ADAMTS20: variants seen among roughly 807,000 people sequenced by gnomAD.
ADAMTS20 encodes ADAM metallopeptidase with thrombospondin type 1 motif 20, also known as A disintegrin and metalloproteinase with thrombospondin motifs 20.
Under a neutral mutation model 260.1 loss-of-function variants are expected in ADAMTS20, and 225 were observed. The ratio of observed to expected loss-of-function variants is 0.87; its 90% CI spans 0.78 to 0.97. The LOEUF is 0.97. ADAMTS20 is among the 50% of genes least tolerant of loss of function. The pLI is 0.00. For synonymous variants in ADAMTS20, 802 were observed against 769.5 expected, an observed-to-expected ratio of 1.04 and a Z score of -0.70; for missense variants, 2,400 against 2,337.7, an observed-to-expected ratio of 1.03 and a Z score of -0.55.
At chr12:43,454,982 G>C (rs1269774901) in intron 11 of ADAMTS20, among the ~76,000 whole-genome samples, 1 of 152,086 alleles carries the variant, frequency 6.6e-6, no homozygotes, top group Non-Finnish European at 1.5e-5. Flanking sequence ...TCATTGTTGT[G>C]CAACCAATCT....
intron 7 of ADAMTS20, among the ~76,000 whole-genome samples, chr12:43,470,965 T>A (rs1326437986): frequency 1.3e-5 from 2 of 152,182 alleles, no homozygotes; most frequent in African/African-American, 4.8e-5. Flanking sequence ...TTCAAATACC[T>A]TAACTATCGG....
In ADAMTS20 at chr12:43,425,631, A is replaced by T. The variant is rs766328002; in HGVS notation, c.4167T>A (p.Asn1389Lys). 15 of 1,610,880 alleles carry T rather than the reference A, an allele frequency of 9.3e-6. No homozygotes were observed. The South Asian group carries it at 1.5e-4, about 17-fold the overall frequency. The change falls in exon 28 of 39, where the codon AAT (asparagine) becomes AAA (lysine). Residue 1389 changes from asparagine to lysine, a missense_variant. Coordinates refer to ENST00000389420, the MANE Select transcript of ADAMTS20 (RefSeq NM_025003.5). Reference protein sequence around the residue: ...KSRLVICQFPNGQILEDHNCE... With the variant: ...KSRLVICQFPKGQILEDHNCE... ...AGTTGTGATCTTCTAATATTTGGCCATTGGGAAATTGACATATTACAAGTC... is the reference window on the plus strand; with the variant it reads ...AGTTGTGATCTTCTAATATTTGGCCTTTGGGAAATTGACATATTACAAGTC...
chr12:43,375,674 A>G lies in ADAMTS20; in HGVS notation c.5313-162T>C, dbSNP rs1279790560. ...AAAAATCACTTAAGGTGAACATACA[A>G]CATTTTCAATGAAACATCTAAGAAG... is the stretch of plus-strand genomic sequence containing the variant. On this transcript the variant is annotated intron_variant, in intron 35 of 38. Coordinates refer to ENST00000389420, the MANE Select transcript of ADAMTS20 (RefSeq NM_025003.5). 4.6e-5 allele frequency among the ~76,000 whole-genome samples: 7 copies of G among 152,322 alleles called. No homozygotes were observed. The East Asian group carries it at 7.7e-4, about 17-fold the overall frequency.
chr12:43,408,984 C>T (rs895226073), intron 28 of ADAMTS20, among the ~76,000 whole-genome samples: 2 of 152,074 alleles, frequency 1.3e-5, no homozygotes, highest in African/African-American at 4.8e-5. Context: ...TGAAATAGTG[C>T]TTGACACAAT....
intron 38 of ADAMTS20, among the ~76,000 whole-genome samples, chr12:43,355,996 G>C (rs532847513): frequency 2.6e-4 from 40 of 152,076 alleles, no homozygotes; most frequent in Non-Finnish European, 5.3e-4. Context: ...CCTAATTCTT[G>C]AAAAAACTGT....
chr12:43,516,385 T>C (rs1345345604), intron 3 of ADAMTS20, among the ~76,000 whole-genome samples: 2 of 152,208 alleles, frequency 1.3e-5, no homozygotes, highest in Non-Finnish European at 2.9e-5. Flanking sequence ...TGCTTCCTTT[T>C]CATAAGCAAA....
At chr12:43,355,829 A>G (rs1191871715) in intron 38 of ADAMTS20, among the ~76,000 whole-genome samples, 3 of 152,104 alleles carry the variant, frequency 2.0e-5, no homozygotes, top group Non-Finnish European at 2.9e-5. Flanking sequence ...TGGATAATAC[A>G]ACATGTGCTA....
At chr12:43,486,687 G>A (rs749000627) in intron 7 of ADAMTS20, among the ~76,000 whole-genome samples, 75 of 152,028 alleles carry the variant, frequency 4.9e-4, no homozygotes, top group Non-Finnish European at 7.5e-4. Flanking sequence ...TGTGACAAAG[G>A]ACTAATATCC....
At chr12:43,356,353 T>C (rs946557503) in intron 38 of ADAMTS20, 131 bp downstream of exon 38, 2 of 577,934 alleles carry the variant, frequency 3.5e-6, no homozygotes, top group African/African-American at 1.9e-5. Context: ...TTATATGTAA[T>C]ATACCCATTA....
intron 28 of ADAMTS20, chr12:43,423,895 T>A: frequency 1.4e-6 from 1 of 726,874 alleles, no homozygotes; most frequent in Non-Finnish European, 2.5e-6. Flanking sequence ...TGATGGTCCT[T>A]TGAGGCAGCA....
At chr12:43,459,324 C>G (rs2137366894) in intron 11 of ADAMTS20, among the ~76,000 whole-genome samples, 1 of 152,304 alleles carries the variant, frequency 6.6e-6, no homozygotes, top group South Asian at 2.1e-4. Flanking sequence ...GGCTAAGTGC[C>G]TGGGTTCATC....
intron 2 of ADAMTS20, among the ~76,000 whole-genome samples, chr12:43,546,741 G>A (rs1194709138): frequency 2.0e-5 from 3 of 152,050 alleles, no homozygotes; most frequent in African/African-American, 4.8e-5. Flanking sequence ...AGTTTGATTA[G>A]CCATTACATT....
In ADAMTS20 at chr12:43,550,990, C is replaced by T. The variant is rs775105662; in HGVS notation, c.372G>A (p.Ser124=). 1 of 1,612,094 alleles carries T rather than the reference C, an allele frequency of 6.2e-7. No homozygotes were observed. Among genetic ancestry groups the T allele is most frequent in the Non-Finnish European group, 8.5e-7 (1 of 1,178,824 alleles). ...RGAWESDAGP[S]DLRHCFYRGQ... ...CGCGGTAGAAGCAGTGGCGCAGGTC[C>T]GAGGGCCCTGCGTCGCTCTCCCAGG... The change falls in exon 2 of 39, where the codon TCG becomes TCA. Residue 124 remains serine, a synonymous_variant. Transcript: ENST00000389420.
In ADAMTS20 at chr12:43,432,415, A is replaced by T. The variant is rs1941463418; in HGVS notation, c.2985T>A (p.Asn995Lys). The T allele has an allele frequency of 6.2e-7, 1 of 1,613,784 alleles. No individual in the cohort carries two copies. The highest frequency in any genetic ancestry group is 8.5e-7 in the Non-Finnish European group (1 of 1,179,844). Residue 995 changes from asparagine (N) to lysine (K), a missense_variant, in exon 21 of 39, where the codon AAT becomes AAA. Coordinates refer to ENST00000389420, the MANE Select transcript of ADAMTS20 (RefSeq NM_025003.5). ...GERSRESYCM[N>K]NFGHRLADNE... ...TGTCAGCAAGACGATGGCCAAAGTT[A>T]TTCATACAATAAGATTCTCGAGACC...
chr12:43,409,624 A>AAAAAAAAAAAAAAAAAAAAAAC (rs1565684968), intron 28 of ADAMTS20, among the ~76,000 whole-genome samples: 1 of 140,604 alleles, frequency 7.1e-6, no homozygotes, highest in African/African-American at 2.6e-5. Context: ...AAAAAAAAAA[A>AAAAAAAAAAAAAAAAAAAAAAC]AAAAAACAAG....
At chr12:43,383,105 GA>G (rs1940389784) in intron 31 of ADAMTS20, among the ~76,000 whole-genome samples, 1 of 152,146 alleles carries the variant, frequency 6.6e-6, no homozygotes, top group Admixed American at 6.5e-5. Context: ...AGGGAAAAGA[GA>G]GGGGGGAAAG....
intron 3 of ADAMTS20, among the ~76,000 whole-genome samples, chr12:43,527,957 G>C (rs1943165707): frequency 6.6e-6 from 1 of 151,876 alleles, no homozygotes; most frequent in Admixed American, 6.6e-5. Flanking sequence ...TACTCCAAAA[G>C]ACTCCTAGAT....
intron 3 of ADAMTS20, among the ~76,000 whole-genome samples, chr12:43,521,989 C>A (rs1235116003): frequency 6.6e-6 from 1 of 152,018 alleles, no homozygotes; most frequent in African/African-American, 2.4e-5. Flanking sequence ...TAGAAAATTT[C>A]TAGGAAAAAC....
At chr12:43,411,316 T>C (rs1453490143) in intron 28 of ADAMTS20, among the ~76,000 whole-genome samples, 2 of 152,148 alleles carry the variant, frequency 1.3e-5, no homozygotes, top group Non-Finnish European at 1.5e-5. Context: ...TTTTAAATTT[T>C]ACCTTTTGAT....
Sources: gnomAD v4.1 joint callset for allele counts (sites outside exome capture counted in the v4.1 genomes callset) on GRCh38, gnomAD v4.1.1 for gene constraint, MANE v1.5 for transcripts, NCBI Gene and HGNC (gene_info 2026-07-23, HGNC 2026-07-21) for gene names.